Variants in MAGI1 observed in about 807,000 individuals in gnomAD.
MAGI1 encodes membrane-associated guanylate kinase, WW and PDZ domain-containing protein 1.
MAGI1 carries 58 observed loss-of-function variants against 139.9 expected under a neutral mutation model. The ratio of observed to expected loss-of-function variants is 0.41; its 90% confidence interval spans 0.34 to 0.52. MAGI1 has a LOEUF of 0.52. MAGI1 is among the 20% of genes least tolerant of loss of function. The pLI, the probability that MAGI1 is intolerant of heterozygous loss-of-function variation, is 0.12. For missense variants in MAGI1, 1,874 were observed against 1,901.6 expected, an observed-to-expected ratio of 0.99 and a Z score of 0.27; for synonymous variants, 812 against 737.9, an observed-to-expected ratio of 1.10 and a Z score of -1.63.
chr3:65,711,733 G>A (rs1032219588), intron 1 of MAGI1, among the ~76,000 whole-genome samples: 1 of 152,164 alleles, frequency 6.6e-6, no homozygotes, highest in Non-Finnish European at 1.5e-5. Context: ...AGGACACAGA[G>A]GGATAACAGC....
intron 1 of MAGI1, among the ~76,000 whole-genome samples, chr3:65,998,902 T>C (rs1215442160): frequency 1.3e-5 from 2 of 152,136 alleles, no homozygotes; most frequent in African/African-American, 4.8e-5. Flanking sequence ...TTAATGGAAG[T>C]AGTTTAACAG....
chr3:66,015,805 C>T (rs1240173201), intron 1 of MAGI1, among the ~76,000 whole-genome samples: 8 of 151,348 alleles, frequency 5.3e-5, no homozygotes, highest in South Asian at 2.1e-4. Context: ...AATGTCTATA[C>T]GCATTTTCTC....
intron 1 of MAGI1, among the ~76,000 whole-genome samples, chr3:66,019,953 T>A (rs1240212495): frequency 1.3e-5 from 2 of 152,068 alleles, no homozygotes; most frequent in Non-Finnish European, 2.9e-5. Context: ...AGTGCAACAG[T>A]CAAAAGGCCC....
At chr3:65,757,179 C>G (rs1334490507) in intron 1 of MAGI1, among the ~76,000 whole-genome samples, 1 of 152,134 alleles carries the variant, frequency 6.6e-6, no homozygotes, top group East Asian at 1.9e-4. Flanking sequence ...TATGTTAACT[C>G]TTTTAATTTT....
At chr3:65,379,112 C>T in intron 17 of MAGI1, 149 bp downstream of exon 17, 2 of 1,497,124 alleles carry the variant, frequency 1.3e-6, no homozygotes, top group Non-Finnish European at 1.8e-6. Context: ...ACCAAATCAA[C>T]TCCATCTCCA....
At chr3:65,888,208 C>G (rs1276817299) in intron 1 of MAGI1, among the ~76,000 whole-genome samples, 1 of 152,146 alleles carries the variant, frequency 6.6e-6, no homozygotes, top group East Asian at 1.9e-4. Context: ...ATTCCTAGAA[C>G]AGATTTTTCC....
chr3:65,859,355 C>A (rs2108434957), intron 1 of MAGI1, among the ~76,000 whole-genome samples: 1 of 151,864 alleles, frequency 6.6e-6, no homozygotes, highest in African/African-American at 2.4e-5. Flanking sequence ...CTGCATTAGA[C>A]CCCTACAAAT....
chr3:65,518,613 G>A (rs2107790566), intron 2 of MAGI1, among the ~76,000 whole-genome samples: 1 of 152,234 alleles, frequency 6.6e-6, no homozygotes, highest in South Asian at 2.1e-4. Flanking sequence ...TGATTTGGTG[G>A]TATTATGAGA....
At chr3:65,931,443 A>G (rs1190822309) in intron 1 of MAGI1, among the ~76,000 whole-genome samples, 2 of 152,178 alleles carry the variant, frequency 1.3e-5, no homozygotes, top group Non-Finnish European at 2.9e-5. Context: ...CTTTCCAGTA[A>G]CAGCTTGAAC....
At chr3:65,953,213 AC>A (rs1006355056) in intron 1 of MAGI1, among the ~76,000 whole-genome samples, 1 of 152,114 alleles carries the variant, frequency 6.6e-6, no homozygotes, top group African/African-American at 2.4e-5. Context: ...CTTCCAAATC[AC>A]TTGCTGAAAA....
At chr3:65,619,350 C>G (rs1261578816) in intron 2 of MAGI1, among the ~76,000 whole-genome samples, 1 of 152,170 alleles carries the variant, frequency 6.6e-6, no homozygotes, top group Non-Finnish European at 1.5e-5. Flanking sequence ...GCACATACAG[C>G]TCCACTACAT....
intron 2 of MAGI1, among the ~76,000 whole-genome samples, chr3:65,619,066 A>C (rs1576498799): frequency 6.6e-6 from 1 of 152,364 alleles, no homozygotes; most frequent in East Asian, 1.9e-4. Flanking sequence ...GAGAATAATA[A>C]TAACTGTAAC....
intron 1 of MAGI1, among the ~76,000 whole-genome samples, chr3:65,648,351 T>C (rs1348357926): frequency 1.3e-5 from 2 of 152,056 alleles, no homozygotes; most frequent in Non-Finnish European, 2.9e-5. Flanking sequence ...GGTCTCATTA[T>C]GTTGCCCAAG....
chr3:65,407,821 G>A (rs1349818883), intron 12 of MAGI1, among the ~76,000 whole-genome samples: 1 of 152,136 alleles, frequency 6.6e-6, no homozygotes, highest in Non-Finnish European at 1.5e-5. Flanking sequence ...TCATCAACAG[G>A]ATCAGTACTG....
intron 2 of MAGI1, among the ~76,000 whole-genome samples, chr3:65,551,459 C>G (rs1020644432): frequency 6.6e-6 from 1 of 152,284 alleles, no homozygotes; most frequent in East Asian, 1.9e-4. Context: ...CACCACCGCG[C>G]GCGGCTAATT....
At chr3:65,592,434 G>T (rs928680687) in intron 2 of MAGI1, among the ~76,000 whole-genome samples, 5 of 152,070 alleles carry the variant, frequency 3.3e-5, no homozygotes, top group Non-Finnish European at 7.4e-5. Context: ...CACCATCAGG[G>T]CAAGGGTTAA....
chr3:65,759,112 AG>A (rs1334184940), intron 1 of MAGI1, among the ~76,000 whole-genome samples: 3 of 149,804 alleles, frequency 2.0e-5, no homozygotes, highest in Non-Finnish European at 4.4e-5. Flanking sequence ...GTGAAACTGA[AG>A]GAAGTCAAAA....
intron 3 of MAGI1, among the ~76,000 whole-genome samples, chr3:65,484,609 C>T (rs577418146): frequency 6.6e-6 from 1 of 152,250 alleles, no homozygotes; most frequent in African/African-American, 2.4e-5. Flanking sequence ...GCCCCATGCC[C>T]ACTCTCCAAG....
At chr3:65,922,820 G>A (rs549475181) in intron 1 of MAGI1, among the ~76,000 whole-genome samples, 92 of 152,252 alleles carry the variant, frequency 6.0e-4, no homozygotes, top group African/African-American at 2.1e-3. Flanking sequence ...AAGTTCAGCA[G>A]GTTTCTGTCA....
Sources: allele counts gnomAD v4.1 joint callset (sites outside exome capture counted in the v4.1 genomes callset), GRCh38; gene constraint gnomAD v4.1.1; transcripts MANE v1.5; gene names NCBI Gene and HGNC (gene_info 2026-07-23, HGNC 2026-07-21).